The following PEAK1 variants were observed in gnomAD, a reference collection of about 807,000 sequenced individuals.
The protein encoded by PEAK1 is pseudopodium enriched atypical kinase 1.
In PEAK1, 54 loss-of-function variants were observed where a neutral mutation model predicts 124.7. That is an observed-to-expected ratio of 0.43 (90% CI 0.35 to 0.54). The LOEUF (loss-of-function observed/expected upper bound fraction) is 0.54, where lower values mean the gene tolerates loss of function less well. Among genes scored for constraint, PEAK1 ranks in the 20% least tolerant of loss-of-function variants. PEAK1 has a pLI of 0.01. For synonymous variants in PEAK1, 719 were observed against 760.0 expected (o/e 0.95, Z 0.89); for missense variants, 2,046 against 2,134.5 (o/e 0.96, Z 0.82).
At chr15:77,349,636 T>A in intron 2 of PEAK1, 1 of 984,942 alleles carries the variant, frequency 1.0e-6, no homozygotes, top group Non-Finnish European at 1.2e-6. Context: ...CATTAATGAC[T>A]CTAATATTCA....
chr15:77,403,964 G>A (rs367550548), intron 1 of PEAK1: 24 of 962,348 alleles, frequency 2.5e-5, no homozygotes, highest in Middle Eastern at 5.4e-4. Context: ...GGTAAACTGC[G>A]TGTCACAAGG....
chr15:77,298,245 G>T (rs1597172285), intron 2 of PEAK1, among the ~76,000 whole-genome samples: 1 of 66,330 alleles, frequency 1.5e-5, no homozygotes, highest in East Asian at 6.4e-4. Context: ...TTGAGAGGTA[G>T]TCTCGCTGTG....
chr15:77,321,359 G>C (rs1269493911), intron 2 of PEAK1, among the ~76,000 whole-genome samples: 2 of 152,132 alleles, frequency 1.3e-5, no homozygotes, highest in Non-Finnish European at 1.5e-5. Context: ...ATTCTAACTG[G>C]TGTGAGATGG....
chr15:77,354,328 A>G (rs545051205), intron 2 of PEAK1, among the ~76,000 whole-genome samples: 2 of 152,326 alleles, frequency 1.3e-5, no homozygotes, highest in South Asian at 4.1e-4. Flanking sequence ...CCAATATTTA[A>G]TTAGTCACCA....
chr15:77,173,931 A>G (rs990115686), intron 7 of PEAK1, among the ~76,000 whole-genome samples: 8 of 152,240 alleles, frequency 5.3e-5, no homozygotes, highest in African/African-American at 1.9e-4. Flanking sequence ...AGAGGGCCTA[A>G]TAACATTTTT....
intron 6 of PEAK1, among the ~76,000 whole-genome samples, 182 bp from the exon 7 acceptor site, chr15:77,182,222 G>T (rs927894689): frequency 3.3e-5 from 5 of 152,100 alleles, no homozygotes; most frequent in Admixed American, 3.3e-4. Flanking sequence ...TGGAAAGTGA[G>T]CTTTTTAACT....
At chr15:77,315,124 C>G (rs1383712544) in intron 2 of PEAK1, among the ~76,000 whole-genome samples, 1 of 152,142 alleles carries the variant, frequency 6.6e-6, no homozygotes, top group Non-Finnish European at 1.5e-5. Context: ...GTACTAATAG[C>G]AAGAATTATT....
chr15:77,200,648 A>G (rs1308705508), intron 6 of PEAK1, among the ~76,000 whole-genome samples: 2 of 152,224 alleles, frequency 1.3e-5, no homozygotes, highest in South Asian at 2.1e-4. Flanking sequence ...AGTCCCCTCA[A>G]TTTGAAAACC....
At chr15:77,404,863 A>G (rs932840875) in intron 1 of PEAK1, 2 of 794,666 alleles carry the variant, frequency 2.5e-6, no homozygotes, top group Admixed American at 6.3e-5. Flanking sequence ...AAAAATGCCA[A>G]TTCCTGCAGT....
chr15:77,335,165 C>G, intron 2 of PEAK1: 1 of 985,476 alleles, frequency 1.0e-6, no homozygotes, highest in Non-Finnish European at 1.2e-6. Context: ...TTTGTAGGAA[C>G]ATGCATTAAG....
At chr15:77,416,965 G>A (rs1455676854) in intron 1 of PEAK1, among the ~76,000 whole-genome samples, 2 of 152,054 alleles carry the variant, frequency 1.3e-5, no homozygotes, top group African/African-American at 2.4e-5. Context: ...CATATTTGTG[G>A]CTTGTATTAA....
At chr15:77,196,225 G>C (rs1377402203) in intron 6 of PEAK1, among the ~76,000 whole-genome samples, 1 of 152,158 alleles carries the variant, frequency 6.6e-6, no homozygotes, top group African/African-American at 2.4e-5. Context: ...CTAGCTGAAG[G>C]AATAAAATAG....
Position 77,334,414 on chromosome 15 carries a change from ATCT to A in PEAK1, c.-603+30746_-603+30748del, listed in dbSNP as rs1229437780. ...AATATTTTCCAGATGAAGGTCTCCC[ATCT>A]TGCCAGGCTTCTACTTGTACCTGCT... is the stretch of plus-strand genomic sequence containing the variant. On this transcript the variant is annotated intron_variant, in intron 2 of 9. Coordinates refer to ENST00000682557, the MANE Select transcript of PEAK1 (RefSeq NM_001385026.1). The A allele has an allele frequency of 1.5e-5, 15 of 985,278 alleles. No individual in the cohort carries two copies. In the East Asian group the frequency reaches 1.3e-3, roughly 82 times the overall value. The allele number at this position is 985,278 out of a possible 1,614,324, so 61.0% of individuals were successfully genotyped here.
intron 2 of PEAK1, among the ~76,000 whole-genome samples, chr15:77,325,790 G>C (rs2065536623): frequency 6.6e-6 from 1 of 152,042 alleles, no homozygotes; most frequent in African/African-American, 2.4e-5. Flanking sequence ...CATACCCACT[G>C]CTTTCTTATG....
chr15:77,338,622 A>C (rs1359644740), intron 2 of PEAK1, among the ~76,000 whole-genome samples: 1 of 98,078 alleles, frequency 1.0e-5, no homozygotes, highest in African/African-American at 4.2e-5. Context: ...CATACACCAC[A>C]TGAAAAATCT....
intron 6 of PEAK1, among the ~76,000 whole-genome samples, chr15:77,213,959 AACC>A (rs1338965081): frequency 6.6e-6 from 1 of 152,128 alleles, no homozygotes; most frequent in Non-Finnish European, 1.5e-5. Context: ...TGGCCTCAAT[AACC>A]ACTTTAATCT....
At chr15:77,252,940 A>T (rs150453364) in intron 5 of PEAK1, among the ~76,000 whole-genome samples, 10 of 152,326 alleles carry the variant, frequency 6.6e-5, no homozygotes, top group Admixed American at 1.3e-4. Context: ...GAAAGCAGGT[A>T]TCTCCAAATG....
chr15:77,172,057 G>A (rs369071090), intron 7 of PEAK1, among the ~76,000 whole-genome samples: 1 of 152,120 alleles, frequency 6.6e-6, no homozygotes, highest in Non-Finnish European at 1.5e-5. Context: ...TTAGATAACT[G>A]TAGATATTCT....
chr15:77,181,137 T>C lies in PEAK1; in HGVS notation c.790A>G (p.Ile264Val). Residue 264 changes from isoleucine to valine, a missense_variant, in exon 7 of 10, where the codon ATT (isoleucine) becomes GTT (valine). Physicochemically the swap from Ile to Val is conservative, Grantham distance 29. Transcript: ENST00000682557. ...ESDEELLAME[I>V]RMRGQPRFAN... ...AAGCGAGGTTGCCCTCTCATGCGAA[T>C]CTCCATGGCCAACAGCTCTTCATCA... 6.2e-7 allele frequency: 1 copy of C among 1,614,190 alleles called. No homozygotes were observed. The highest frequency in any genetic ancestry group is 8.5e-7 in the Non-Finnish European group (1 of 1,180,026).
Sources: gnomAD v4.1 joint callset for allele counts (sites outside exome capture counted in the v4.1 genomes callset) on GRCh38, gnomAD v4.1.1 for gene constraint, MANE v1.5 for transcripts, NCBI Gene and HGNC (gene_info 2026-07-23, HGNC 2026-07-21) for gene names.